The following ATP1A1 variants were observed in gnomAD, a reference collection of about 807,000 sequenced individuals.
The protein encoded by ATP1A1 is ATPase Na+/K+ transporting subunit alpha 1, also known as sodium/potassium-transporting ATPase subunit alpha-1.
A neutral mutation model predicts 114.8 loss-of-function variants in ATP1A1; 14 were observed. That is an observed-to-expected ratio of 0.12 (90% CI 0.08 to 0.19). The LOEUF is 0.19. ATP1A1 is among the 10% of genes least tolerant of loss of function. The pLI, the probability that ATP1A1 is intolerant of heterozygous loss-of-function variation, is 1.00. For missense variants in ATP1A1, 524 were observed against 1,290.7 expected, an observed-to-expected ratio of 0.41 and a Z score of 9.10; for synonymous variants, 471 against 466.3, an observed-to-expected ratio of 1.01 and a Z score of -0.13.
chr1:116,384,870 C>T lies in ATP1A1; in HGVS notation c.183+28C>T. The T allele has an allele frequency of 6.2e-7, 1 of 1,608,310 alleles. No homozygotes were observed. Among genetic ancestry groups the T allele is most frequent in the Non-Finnish European group, 8.5e-7 (1 of 1,174,910 alleles). On this transcript the variant is annotated intron_variant, in intron 3 of 22. Coordinates refer to ENST00000295598, the MANE Select transcript of ATP1A1 (RefSeq NM_000701.8). The surrounding 1 kb of genome is among the most constrained non-coding windows in gnomAD (Gnocchi z 5.1). The stretch of plus-strand genomic sequence containing the variant: ...ATGTTCTAGTTTGAAAGCTGTTGTA[C>T]AAAATCCTAGTTTTCCGTATTATAT...
chr1:116,398,607 CTT>C lies in ATP1A1; in HGVS notation c.2125-11_2125-10del. 1 of 1,611,386 alleles carries C rather than the reference CTT, an allele frequency of 6.2e-7. No homozygotes were observed. Among genetic ancestry groups the C allele is most frequent in the East Asian group, 2.2e-5 (1 of 44,844 alleles). On this transcript the variant is annotated splice_polypyrimidine_tract_variant and intron_variant, in intron 15 of 22. Coordinates refer to ENST00000295598, the MANE Select transcript of ATP1A1 (RefSeq NM_000701.8). This position sits in a 1 kb window ranked among gnomAD's most constrained non-coding sequence, Gnocchi z 6.1. ...AGTGATTGGTATTAACCCGTTTTCC[CTT>C]TTCTGGGGTAGGGTGCTATCGTGGC...
rs1653109599 is a variant in ATP1A1 at position 116,398,347 on chromosome 1, G to C, written c.2125-274G>C. On this transcript the variant is annotated intron_variant, in intron 15 of 22. Coordinates refer to ENST00000295598, the MANE Select transcript of ATP1A1 (RefSeq NM_000701.8). This position sits in a 1 kb window ranked among gnomAD's most constrained non-coding sequence, Gnocchi z 6.1. The stretch of plus-strand genomic sequence containing the variant: ...GGTCAGACTACAGGGCGTGCATACA[G>C]GAATGGCATTTTCTGGAGTGCCACC... Among the ~76,000 whole-genome samples the C allele has an allele frequency of 6.6e-6, 1 of 152,180 alleles. No homozygotes were observed. The highest frequency in any genetic ancestry group is 2.1e-4 in the South Asian group (1 of 4,824).
In ATP1A1 at chr1:116,399,852, G is replaced by C. The variant is rs1305143103; in HGVS notation, c.2572+309G>C. On this transcript the variant is annotated intron_variant, in intron 18 of 22. Coordinates refer to ENST00000295598, the MANE Select transcript of ATP1A1 (RefSeq NM_000701.8). This position sits in a 1 kb window ranked among gnomAD's most constrained non-coding sequence, Gnocchi z 5.0. The stretch of plus-strand genomic sequence containing the variant: ...CTGAGCCTTGCGGAACAGGAGGCAT[G>C]GTTCTAAGGAATTGTGTGTACTGAC... 6.6e-6 allele frequency among the ~76,000 whole-genome samples: 1 copy of C among 152,204 alleles called. No individual in the cohort carries two copies. The highest frequency in any genetic ancestry group is 1.5e-5 in the Non-Finnish European group (1 of 68,038).
Position 116,373,367 on chromosome 1 carries a change from C to CCCAG in ATP1A1, c.-143_-142insAGCC. The stretch of plus-strand genomic sequence containing the variant: ...CGGCATCGGCCCGAGCCGCCGGCCG[C>CCCAG]CCTCCCACCCTCCCGCCCCGCGGCA... On this transcript the variant is annotated 5_prime_UTR_variant, in exon 1 of 23. Transcript: ENST00000295598. The CCCAG allele has an allele frequency of 4.3e-6, 2 of 460,510 alleles. No homozygotes were observed. The highest frequency in any genetic ancestry group is 7.1e-6 in the Non-Finnish European group (2 of 280,278). The allele number at this position is 460,510 out of a possible 1,614,324, so 28.5% of individuals were successfully genotyped here. A position where few individuals can be genotyped will look rare whatever the true frequency, so the allele number is the denominator to read the frequency against.
In ATP1A1 at chr1:116,388,845, G is replaced by A; in HGVS notation, c.637-57G>A. The stretch of plus-strand genomic sequence containing the variant: ...GCAGCTTGATTTGAGGGGTACAGTA[G>A]CCCATGATAAGGCTGGTGTATTCAC... On this transcript the variant is annotated intron_variant, in intron 6 of 22. Coordinates refer to ENST00000295598, the MANE Select transcript of ATP1A1 (RefSeq NM_000701.8). This position sits in a 1 kb window ranked among gnomAD's most constrained non-coding sequence, Gnocchi z 5.6. 3 of 1,613,080 alleles carry A rather than the reference G, an allele frequency of 1.9e-6. No homozygotes were observed. Among genetic ancestry groups the A allele is most frequent in the East Asian group, 2.2e-5 (1 of 44,872 alleles).
rs745933523 is a variant in ATP1A1 at position 116,389,852 on chromosome 1, G to A, written c.1023+145G>A. On this transcript the variant is annotated intron_variant, in intron 8 of 22. Transcript: ENST00000295598. This position sits in a 1 kb window ranked among gnomAD's most constrained non-coding sequence, Gnocchi z 6.9. ...CTTCTTGAGAGCCACATCACGTGGTGAATTTTGACAGTGAGAAAACCTCAG... is the reference window on the plus strand; with the variant it reads ...CTTCTTGAGAGCCACATCACGTGGTAAATTTTGACAGTGAGAAAACCTCAG... The A allele has an allele frequency of 1.5e-5, 18 of 1,226,418 alleles. No individual in the cohort carries two copies. The highest frequency in any genetic ancestry group is 2.0e-5 in the Non-Finnish European group (18 of 901,158). The allele number at this position is 1,226,418 out of a possible 1,614,324, so 76.0% of individuals were successfully genotyped here.
chr1:116,396,789 T>A (rs1238572814), intron 14 of ATP1A1, 55 bp downstream of exon 14: 2 of 1,494,936 alleles, frequency 1.3e-6, no homozygotes, highest in Admixed American at 2.3e-5. Flanking sequence ...TAGTGATGGT[T>A]TAAAATCTTC....
Position 116,395,092 on chromosome 1 carries a change from C to G in ATP1A1, c.1661-18C>G. The G allele has an allele frequency of 6.2e-7, 1 of 1,611,548 alleles. No homozygotes were observed. The highest frequency in any genetic ancestry group is 1.3e-5 in the African/African-American group (1 of 74,994). The stretch of plus-strand genomic sequence containing the variant: ...CCAGCGTCACTGAAATTTTCAAAGG[C>G]TCCTGTCCTCCTCGCAGGTTTCTGC... On this transcript the variant is annotated intron_variant, in intron 12 of 22. Transcript: ENST00000295598. This position sits in a 1 kb window ranked among gnomAD's most constrained non-coding sequence, Gnocchi z 6.4.
Position 116,399,320 on chromosome 1 carries a change from A to T in ATP1A1, c.2449-100A>T. ...TTTATTTTTGTATACTTCACCTAAA[A>T]GATTTTTAAATGGGAGGGCAAGAAT... On this transcript the variant is annotated intron_variant, in intron 17 of 22. Coordinates refer to ENST00000295598, the MANE Select transcript of ATP1A1 (RefSeq NM_000701.8). This position sits in a 1 kb window ranked among gnomAD's most constrained non-coding sequence, Gnocchi z 5.0. 2.0e-6 allele frequency: 3 copies of T among 1,492,526 alleles called. No homozygotes were observed. In the South Asian group the frequency reaches 4.0e-5, roughly 20 times the overall value. 92.5% of individuals were successfully genotyped at this position (1,492,526 alleles called of 1,614,324 possible).
Position 116,384,954 on chromosome 1 carries a change from A to G in ATP1A1, c.183+112A>G, listed in dbSNP as rs1052925375. The G allele has an allele frequency of 3.4e-5, 34 of 1,014,432 alleles. No individual in the cohort carries two copies. The highest frequency in any genetic ancestry group is 4.9e-5 in the Non-Finnish European group (32 of 652,278). The allele number at this position is 1,014,432 out of a possible 1,614,324, so 62.8% of individuals were successfully genotyped here. On this transcript the variant is annotated intron_variant, in intron 3 of 22. Coordinates refer to ENST00000295598, the MANE Select transcript of ATP1A1 (RefSeq NM_000701.8). The surrounding 1 kb of genome is among the most constrained non-coding windows in gnomAD (Gnocchi z 5.1). ...GGGCTCTAGTAAGAAAATGACAGAC[A>G]CCATCTGCGTATCTACCATGTGACA... is the stretch of plus-strand genomic sequence containing the variant.
intron 1 of ATP1A1, among the ~76,000 whole-genome samples, chr1:116,377,812 A>G (rs1651471210): frequency 2.0e-5 from 3 of 152,236 alleles, no homozygotes; most frequent in Non-Finnish European, 4.4e-5. Context: ...ACGGCAAAGC[A>G]CCAGGCAAAA....
At chr1:116,373,572 G>T (rs945614458) in intron 1 of ATP1A1, 49 bp downstream of exon 1, 2 of 1,396,892 alleles carry the variant, frequency 1.4e-6, no homozygotes, top group Non-Finnish European at 9.3e-7. Context: ...CCCTCGAGGG[G>T]AAGAGGAGGA....
chr1:116,387,638 G>C lies in ATP1A1; in HGVS notation c.387+147G>C, dbSNP rs1304707096. 2 of 935,788 alleles carry C rather than the reference G, an allele frequency of 2.1e-6. No individual in the cohort carries two copies. The highest frequency in any genetic ancestry group is 1.7e-5 in the African/African-American group (1 of 59,952). The allele number at this position is 935,788 out of a possible 1,614,324, so 58.0% of individuals were successfully genotyped here. On this transcript the variant is annotated intron_variant, in intron 4 of 22. Coordinates refer to ENST00000295598, the MANE Select transcript of ATP1A1 (RefSeq NM_000701.8). The surrounding 1 kb of genome is among the most constrained non-coding windows in gnomAD (Gnocchi z 6.7). ...GTTATGAACAGCTGTTGCCTTCAAG[G>C]CTCATCCATTCTTCCTTCGTTTCCA...
At chr1:116,396,782 T>G in intron 14 of ATP1A1, 48 bp downstream of exon 14, 1 of 1,501,132 alleles carries the variant, frequency 6.7e-7, no homozygotes, top group East Asian at 2.4e-5. Flanking sequence ...AAGCAAATAG[T>G]GATGGTTTAA....
At chr1:116,382,044 G>A (rs1269293168) in intron 1 of ATP1A1, among the ~76,000 whole-genome samples, 2 of 152,060 alleles carry the variant, frequency 1.3e-5, no homozygotes, top group East Asian at 3.9e-4. Flanking sequence ...GCGTGGTGGC[G>A]AGCGCCTATA....
intron 21 of ATP1A1, among the ~76,000 whole-genome samples, chr1:116,403,200 C>T (rs575250709): frequency 5.9e-5 from 9 of 152,288 alleles, no homozygotes; most frequent in Admixed American, 5.9e-4. Context: ...CCTTGTCAGA[C>T]ACACAGGAAG....
chr1:116,398,615 G>A lies in ATP1A1; in HGVS notation c.2125-6G>A, dbSNP rs1304276720. On this transcript the variant is annotated splice_polypyrimidine_tract_variant and splice_region_variant and intron_variant, in intron 15 of 22. Coordinates refer to ENST00000295598, the MANE Select transcript of ATP1A1 (RefSeq NM_000701.8). This position sits in a 1 kb window ranked among gnomAD's most constrained non-coding sequence, Gnocchi z 6.1. Reference sequence around the variant, plus strand: ...GTATTAACCCGTTTTCCCTTTTCTGGGGTAGGGTGCTATCGTGGCTGTGAC... The same window carrying A: ...GTATTAACCCGTTTTCCCTTTTCTGAGGTAGGGTGCTATCGTGGCTGTGAC... The A allele has an allele frequency of 6.2e-7, 1 of 1,612,636 alleles. No homozygotes were observed. The highest frequency in any genetic ancestry group is 1.3e-5 in the African/African-American group (1 of 74,872).
intron 21 of ATP1A1, 71 bp from the exon 22 acceptor site, chr1:116,403,813 T>C (rs1653739068): frequency 7.7e-7 from 1 of 1,299,580 alleles, no homozygotes; most frequent in South Asian, 1.3e-5. Flanking sequence ...TCACTGGTGA[T>C]GTGCAATTTC....
intron 1 of ATP1A1, among the ~76,000 whole-genome samples, chr1:116,377,559 T>G (rs1318663258): frequency 6.6e-6 from 1 of 152,252 alleles, no homozygotes; most frequent in Non-Finnish European, 1.5e-5. Flanking sequence ...AATAGCATCT[T>G]TCTGTCTACT....
Sources: allele counts gnomAD v4.1 joint callset (sites outside exome capture counted in the v4.1 genomes callset), GRCh38; gene constraint gnomAD v4.1.1; non-coding constraint Gnocchi (gnomAD v3.1); transcripts MANE v1.5; gene names NCBI Gene and HGNC (gene_info 2026-07-23, HGNC 2026-07-21).